Variants in ZNF431 observed in about 807,000 individuals in gnomAD.
ZNF431 encodes zinc finger protein 431.
ZNF431 carries 34 observed loss-of-function variants against 57.0 expected under a neutral mutation model. That is an observed-to-expected ratio of 0.60 (90% CI 0.45 to 0.79). The LOEUF is 0.79. ZNF431 is among the 30% of genes least tolerant of loss of function. ZNF431 has a pLI of 0.00. For missense variants in ZNF431, 607 were observed against 667.1 expected (o/e 0.91, Z 0.99); for synonymous variants, 207 against 220.3 (o/e 0.94, Z 0.54).
chr19:21,145,956 G>A (rs1003386910), intron 2 of ZNF431, among the ~76,000 whole-genome samples: 1 of 152,126 alleles, frequency 6.6e-6, no homozygotes, highest in African/African-American at 2.4e-5. Context: ...AAATAAGGTT[G>A]TATGTTGAAT....
rs545630090 is a variant in ZNF431, at chr19:21,162,769, T to G, written c.97-3566T>G. 6.1e-6 allele frequency: 6 copies of G among 985,284 alleles called. No individual in the cohort carries two copies. The Middle Eastern group carries it at 2.1e-3, about 343-fold the overall frequency. 61.0% of individuals were successfully genotyped at this position (985,284 alleles called of 1,614,324 possible). A position where few individuals can be genotyped will look rare whatever the true frequency, so the allele number is the denominator to read the frequency against. ...CCCAAAAGCAGGTAAATGAGAAAAA[T>G]AAACTGTATATTTTGGGATCCTAAT... On this transcript the variant is annotated intron_variant, in intron 2 of 4. Coordinates refer to ENST00000311048, the MANE Select transcript of ZNF431 (RefSeq NM_133473.4).
At chr19:21,181,063 T>A (rs1226784538) in intron 4 of ZNF431, among the ~76,000 whole-genome samples, 1 of 152,158 alleles carries the variant, frequency 6.6e-6, no homozygotes, top group African/African-American at 2.4e-5. Context: ...TGCTAACAAA[T>A]GTTTATAATG....
chr19:21,158,772 A>G (rs79640535), intron 2 of ZNF431, among the ~76,000 whole-genome samples: 2,002 of 152,218 alleles, frequency 0.013, 39 homozygotes, highest in South Asian at 0.055. Flanking sequence ...GGACATAAGG[A>G]TAGTTTGACT....
In ZNF431 at chr19:21,193,613, A is replaced by G. The variant is rs1971550220; in HGVS notation, c.*9579A>G. 6.6e-6 allele frequency: 1 copy of G among 152,210 alleles called. No individual in the cohort carries two copies. The highest frequency in any genetic ancestry group is 2.1e-4 in the South Asian group (1 of 4,834). The allele number at this position is 152,210 out of a possible 1,614,324, so 9.4% of individuals were successfully genotyped here. On this transcript the variant is annotated 3_prime_UTR_variant, in exon 5 of 5. Transcript: ENST00000311048. ...AACAACAACAAAACTATAGGCCAAT[A>G]TTTTGGGTGAACATTGAAACAAAAA...
At chr19:21,143,681 C>A in intron 2 of ZNF431, 38 bp downstream of exon 2, 1 of 1,509,758 alleles carries the variant, frequency 6.6e-7, no homozygotes, top group Non-Finnish European at 9.2e-7. Context: ...TACGCCCAAC[C>A]CAGCTTTCAT....
intron 2 of ZNF431, chr19:21,162,868 C>G (rs1327100252): frequency 8.5e-6 from 4 of 471,934 alleles, no homozygotes; most frequent in African/African-American, 8.4e-5. Context: ...TCCTGCAGAT[C>G]CAGTAGTTGC....
At chr19:21,162,145 TGTGTGTGTGTGTGTGTG>T (rs747554568) in intron 2 of ZNF431, among the ~76,000 whole-genome samples, 12 of 125,336 alleles carry the variant, frequency 9.6e-5, no homozygotes, top group East Asian at 2.1e-4. Context: ...TCCAGCTAAT[TGTGTGTGTGTGTGTGTG>T]TGTGTGTGTG....
At chr19:21,154,202 A>G (rs548872578) in intron 2 of ZNF431, among the ~76,000 whole-genome samples, 1 of 151,918 alleles carries the variant, frequency 6.6e-6, no homozygotes, top group African/African-American at 2.4e-5. Flanking sequence ...CCAGTGTGTG[A>G]TGTTCCCCTT....
Position 21,146,239 on chromosome 19 carries a change from G to A in ZNF431, c.96+2596G>A, listed in dbSNP as rs113973786. ...AGCCTGATCAACATGGTGAAACCCC[G>A]TCTCTACTAAAAACATAAAAATTAG... On this transcript the variant is annotated intron_variant, in intron 2 of 4. Transcript: ENST00000311048. 8.3e-3 allele frequency among the ~76,000 whole-genome samples: 1,253 copies of A among 151,848 alleles called. 10 individuals are homozygous for A. Among genetic ancestry groups the A allele is most frequent in the Middle Eastern group, 0.02 (6 of 294 alleles).
intron 2 of ZNF431, among the ~76,000 whole-genome samples, chr19:21,148,032 G>A (rs531209959): frequency 8.0e-5 from 12 of 149,902 alleles, no homozygotes; most frequent in South Asian, 2.1e-4. Context: ...GTCTCGCCCC[G>A]TTGCCTAGGC....
chr19:21,179,313 C>T (rs1022997793), intron 4 of ZNF431, among the ~76,000 whole-genome samples: 2 of 152,004 alleles, frequency 1.3e-5, no homozygotes, highest in Non-Finnish European at 2.9e-5. Flanking sequence ...AAAACCAGCT[C>T]CTGGATTCAT....
intron 2 of ZNF431, among the ~76,000 whole-genome samples, chr19:21,147,619 A>C (rs113577126): frequency 7.2e-6 from 1 of 139,380 alleles, no homozygotes; most frequent in African/African-American, 2.6e-5. Flanking sequence ...AAAAAAAAAA[A>C]CCATGATTGA....
At chr19:21,154,026 A>T (rs8110848) in intron 2 of ZNF431, among the ~76,000 whole-genome samples, 347 of 150,970 alleles carry the variant, frequency 2.3e-3, no homozygotes, top group Non-Finnish European at 3.8e-3. Context: ...GGAGTCCCCA[A>T]TTTTTTTTTT....
chr19:21,150,185 A>G (rs979195987), intron 2 of ZNF431: 67 of 578,390 alleles, frequency 1.2e-4, no homozygotes, highest in Admixed American at 2.8e-4. Flanking sequence ...TTGGTGGTCC[A>G]GGCCCTGGGT....
intron 2 of ZNF431, among the ~76,000 whole-genome samples, chr19:21,164,004 C>A (rs1417524307): frequency 6.7e-6 from 1 of 150,218 alleles, no homozygotes; most frequent in Non-Finnish European, 1.5e-5. Context: ...TCGCTTGAAC[C>A]TGGGAGGCGG....
chr19:21,175,450 C>T, intron 4 of ZNF431: 1 of 694,610 alleles, frequency 1.4e-6, no homozygotes, highest in East Asian at 2.7e-5. Context: ...TTTTATGTTC[C>T]AGGATACATG....
chr19:21,192,209 C>T lies in ZNF431; in HGVS notation c.*8175C>T, dbSNP rs1028496318. On this transcript the variant is annotated 3_prime_UTR_variant, in exon 5 of 5. Coordinates refer to ENST00000311048, the MANE Select transcript of ZNF431 (RefSeq NM_133473.4). ...TTTGAGATGGAGTCTCGGTCTGTCA[C>T]GCAGGCTCGAGTGCAGTGGCACGAT... The T allele has an allele frequency of 3.3e-5, 5 of 152,146 alleles. No homozygotes were observed. The highest frequency in any genetic ancestry group is 2.1e-4 in the South Asian group (1 of 4,830). 9.4% of individuals were successfully genotyped at this position (152,146 alleles called of 1,614,324 possible). A position where few individuals can be genotyped will look rare whatever the true frequency, so the allele number is the denominator to read the frequency against.
intron 4 of ZNF431, among the ~76,000 whole-genome samples, chr19:21,170,656 C>CTTTTT (rs112003777): frequency 1.4e-5 from 2 of 147,746 alleles, no homozygotes; most frequent in African/African-American, 5.0e-5. Context: ...CTTTTCTTTT[C>CTTTTT]TTTTTTTTTT....
chr19:21,170,723 G>C (rs889753388), intron 4 of ZNF431, among the ~76,000 whole-genome samples: 4 of 151,168 alleles, frequency 2.6e-5, no homozygotes, highest in Non-Finnish European at 5.9e-5. Context: ...ACCCAGGCTG[G>C]AGTGCAGTGG....
Sources: gnomAD v4.1 joint callset for allele counts (sites outside exome capture counted in the v4.1 genomes callset) on GRCh38, gnomAD v4.1.1 for gene constraint, MANE v1.5 for transcripts, NCBI Gene and HGNC (gene_info 2026-07-23, HGNC 2026-07-21) for gene names.